CDON: variants seen among roughly 807,000 people sequenced by gnomAD.
The protein encoded by CDON is cell adhesion associated, oncogene regulated, also known as cell adhesion molecule-related/down-regulated by oncogenes.
CDON carries 73 observed loss-of-function variants against 120.9 expected under a neutral mutation model. The observed-to-expected ratio is 0.60, with a 90% confidence interval of 0.50 to 0.73. CDON has a LOEUF of 0.73. CDON is among the 30% of genes least tolerant of loss of function. The pLI is 0.00. For missense variants in CDON, 1,470 were observed against 1,587.3 expected, an observed-to-expected ratio of 0.93 and a Z score of 1.26; for synonymous variants, 566 against 573.5, an observed-to-expected ratio of 0.99 and a Z score of 0.19.
At chr11:125,965,707 A>T (rs1034203964) in intron 18 of CDON, among the ~76,000 whole-genome samples, 1 of 152,224 alleles carries the variant, frequency 6.6e-6, no homozygotes, top group African/African-American at 2.4e-5. Flanking sequence ...CTCAAGAGCA[A>T]ATCATGTCAA....
At chr11:126,037,274 T>C (rs1948126479) in intron 1 of CDON, among the ~76,000 whole-genome samples, 4 of 152,018 alleles carry the variant, frequency 2.6e-5, no homozygotes, top group Admixed American at 6.6e-5. Context: ...CTAATTTTTG[T>C]ATTTTTAGTA....
chr11:126,049,080 T>C (rs1948488034), intron 1 of CDON, among the ~76,000 whole-genome samples: 3 of 152,232 alleles, frequency 2.0e-5, no homozygotes, highest in Admixed American at 2.0e-4. Flanking sequence ...GAAAAATTAT[T>C]ATTTTTAAGC....
intron 18 of CDON, among the ~76,000 whole-genome samples, chr11:125,977,469 A>C (rs1236147476): frequency 2.6e-5 from 4 of 152,222 alleles, no homozygotes; most frequent in African/African-American, 7.2e-5. Context: ...ATAATAAAAT[A>C]TCTAAACTCC....
At chr11:125,997,539 A>G (rs1331409861) in intron 11 of CDON, 129 bp from the exon 12 acceptor site, 4 of 738,368 alleles carry the variant, frequency 5.4e-6, no homozygotes, top group Admixed American at 2.0e-5. Context: ...GCCAGAGTTT[A>G]TAACATTTAC....
chr11:125,992,815 A>G (rs1946668229), intron 14 of CDON, among the ~76,000 whole-genome samples: 1 of 152,232 alleles, frequency 6.6e-6, no homozygotes, highest in African/African-American at 2.4e-5. Context: ...AAGAAGTCAT[A>G]TGGAAAATAA....
At chr11:126,022,759 T>C (rs1947677481) in intron 2 of CDON, among the ~76,000 whole-genome samples, 1 of 152,190 alleles carries the variant, frequency 6.6e-6, no homozygotes. Flanking sequence ...ATAGTACTTT[T>C]AGCAGATATT....
At position 125,997,356 on chromosome 11, in the gene CDON, TAGACTGATGTCTCTGATGC is replaced by T; in HGVS notation, c.2194_2212del (p.Ala732MetfsTer24). 6.2e-7 allele frequency: 1 copy of T among 1,613,978 alleles called. No individual in the cohort carries two copies. The highest frequency in any genetic ancestry group is 8.5e-7 in the Non-Finnish European group (1 of 1,179,930). On this transcript the variant is annotated frameshift_variant, in exon 12 of 20. Coordinates refer to ENST00000531738, the MANE Select transcript of CDON (RefSeq NM_001378964.1). LOFTEE classifies it high-confidence loss of function. ...GTTTGCCCGAGGAATCCAAGTGACATAGACTGATGTCTCTGATGCAGTGGAGATGGTAGGCCGATCTGGT... is the reference window on the plus strand; with the variant it reads ...GTTTGCCCGAGGAATCCAAGTGACATAGTGGAGATGGTAGGCCGATCTGGT...
chr11:126,015,089 C>T (rs776227011), intron 7 of CDON, 152 bp downstream of exon 7: 4 of 741,064 alleles, frequency 5.4e-6, no homozygotes, highest in Non-Finnish European at 9.1e-6. Context: ...GAAATGCCTA[C>T]CTGTCACTAG....
intron 18 of CDON, among the ~76,000 whole-genome samples, chr11:125,973,993 T>C (rs934033273): frequency 6.6e-6 from 1 of 152,094 alleles, no homozygotes; most frequent in Non-Finnish European, 1.5e-5. Context: ...CCTCCCGGGT[T>C]CAAGTGATTC....
intron 14 of CDON, among the ~76,000 whole-genome samples, chr11:125,991,275 T>C (rs1255371132): frequency 1.3e-5 from 2 of 152,238 alleles, no homozygotes; most frequent in Non-Finnish European, 2.9e-5. Flanking sequence ...TTACTGATCA[T>C]TGATGAATAA....
intron 1 of CDON, among the ~76,000 whole-genome samples, chr11:126,053,063 T>C (rs1392796000): frequency 6.6e-6 from 1 of 152,132 alleles, no homozygotes; most frequent in Non-Finnish European, 1.5e-5. Context: ...TATTCACAAT[T>C]AGGTTTAAAA....
rs1417378730 is a variant in CDON at position 125,961,881 on chromosome 11, A to T, written c.3474T>A (p.Pro1158=). Residue 1158 remains proline, a synonymous_variant, in exon 19 of 20, where the codon CCT becomes CCA. Transcript: ENST00000531738. ...EMKPLSHVKV[P]VCLTSAVPDC... ...CAGGGACTGCGGAAGTCAGGCATAC[A>T]GGCACCTTCACGTGACTGAGGGGCT... The T allele has an allele frequency of 2.5e-6, 4 of 1,614,090 alleles. No individual in the cohort carries two copies. In the African/African-American group the frequency reaches 5.3e-5, roughly 22 times the overall value.
intron 7 of CDON, among the ~76,000 whole-genome samples, chr11:126,011,538 G>C (rs1947302971): frequency 6.6e-6 from 1 of 152,122 alleles, no homozygotes; most frequent in Admixed American, 6.6e-5. Flanking sequence ...TTCCTCCTCT[G>C]TGAAATGCCT....
intron 16 of CDON, 51 bp downstream of exon 16, chr11:125,983,821 T>C: frequency 1.5e-6 from 2 of 1,300,096 alleles, no homozygotes; most frequent in South Asian, 1.2e-5. Context: ...CTGACAATAT[T>C]TGTCTACCCA....
intron 1 of CDON, among the ~76,000 whole-genome samples, chr11:126,027,353 A>G (rs1427972407): frequency 6.6e-6 from 1 of 152,246 alleles, no homozygotes; most frequent in African/African-American, 2.4e-5. Context: ...CAGAAATCAC[A>G]GTATATCCAT....
In CDON at chr11:125,994,328, G is replaced by C; in HGVS notation, c.2606C>G (p.Thr869Arg). 1 of 1,604,106 alleles carries C rather than the reference G, an allele frequency of 6.2e-7. No homozygotes were observed. Among genetic ancestry groups the C allele is most frequent in the Non-Finnish European group, 8.5e-7 (1 of 1,171,030 alleles). Residue 869 changes from threonine to arginine, a missense_variant, in exon 14 of 20, where the codon ACA (threonine) becomes AGA (arginine). Coordinates refer to ENST00000531738, the MANE Select transcript of CDON (RefSeq NM_001378964.1). Reference protein sequence around the residue: ...IQGFYIYYRPTDSDNDSDYKR... With the variant: ...IQGFYIYYRPRDSDNDSDYKR... Reference sequence around the variant, plus strand: ...GTAATCACTGTCATTGTCACTATCTGTTGGTCGGTAATAGATATAAAATCC... The same window carrying C: ...GTAATCACTGTCATTGTCACTATCTCTTGGTCGGTAATAGATATAAAATCC...
intron 8 of CDON, among the ~76,000 whole-genome samples, chr11:126,008,426 T>C (rs1947190378): frequency 6.6e-6 from 1 of 152,170 alleles, no homozygotes; most frequent in Non-Finnish European, 1.5e-5. Context: ...GTAGGACCTC[T>C]TTGGTAGAAT....
At chr11:126,017,397 G>A (rs1158112481) in intron 5 of CDON, 22 bp from the exon 6 acceptor site, 23 of 1,610,528 alleles carry the variant, frequency 1.4e-5, no homozygotes, top group Non-Finnish European at 1.7e-5. Context: ...AAGGAGATGA[G>A]AGATTATTAG....
chr11:126,015,783 T>TACAATAGATTAGAA (rs1170523233), intron 6 of CDON, among the ~76,000 whole-genome samples: 1 of 152,190 alleles, frequency 6.6e-6, no homozygotes, highest in Non-Finnish European at 1.5e-5. Flanking sequence ...CACACATATA[T>TACAATAGATTAGAA]ACAAATAGTT....
Sources: gnomAD v4.1 joint callset for allele counts (sites outside exome capture counted in the v4.1 genomes callset) on GRCh38, gnomAD v4.1.1 for gene constraint, MANE v1.5 for transcripts, NCBI Gene and HGNC (gene_info 2026-07-23, HGNC 2026-07-21) for gene names.